The following CFHR4 variants were observed in gnomAD, a reference collection of about 807,000 sequenced individuals.
The protein encoded by CFHR4 is complement factor H-related protein 4.
Under a neutral mutation model 69.3 loss-of-function variants are expected in CFHR4, and 64 were observed. The ratio of observed to expected loss-of-function variants is 0.92; its 90% CI spans 0.76 to 1.14. The LOEUF (loss-of-function observed/expected upper bound fraction) is 1.14. CFHR4 is among the 50% of genes most tolerant of loss of function. The pLI, the probability that CFHR4 is intolerant of heterozygous loss-of-function variation, is 0.00. For synonymous variants in CFHR4, 244 were observed against 237.0 expected (o/e 1.03, Z -0.27); for missense variants, 636 against 684.9 (o/e 0.93, Z 0.80).
chr1:196,909,147 TTGAC>T (rs1230033498), intron 5 of CFHR4, among the ~76,000 whole-genome samples: 1 of 151,490 alleles, frequency 6.6e-6, no homozygotes, highest in East Asian at 1.9e-4. Flanking sequence ...TTAAATTTGA[TTGAC>T]TGAGGAGATG....
chr1:196,896,898 TTTA>T lies in CFHR4; in HGVS notation c.59-5506_59-5504del, dbSNP rs571196801. Among the ~76,000 whole-genome samples, 19 of 151,432 alleles carry T rather than the reference TTTA, an allele frequency of 1.3e-4. No individual in the cohort carries two copies. The East Asian group carries it at 3.5e-3, about 28-fold the overall frequency. The stretch of plus-strand genomic sequence containing the variant: ...TAACAAGCTAATGAATTTAATCTTT[TTTA>T]TTATTATTATTATACTTTAAGTTCT... On this transcript the variant is annotated intron_variant, in intron 1 of 9. Transcript: ENST00000608469.
rs773859837 is a variant in CFHR4, at chr1:196,904,666, C to A, written c.257-442C>A. ...CTTAAGATGACAACTATTTTAAATT[C>A]CTGGAGACAAAAGATTTACAAATTT... On this transcript the variant is annotated intron_variant, in intron 2 of 9. Transcript: ENST00000608469. Among the ~76,000 whole-genome samples, 109 of 151,544 alleles carry A rather than the reference C, an allele frequency of 7.2e-4. 1 individual carries two copies. The highest frequency in any genetic ancestry group is 1.3e-3 in the Non-Finnish European group (90 of 67,922).
intron 9 of CFHR4, among the ~76,000 whole-genome samples, chr1:196,916,728 G>A (rs577688681): frequency 1.3e-5 from 2 of 151,574 alleles, no homozygotes; most frequent in South Asian, 4.2e-4. Context: ...TGGGGAGATG[G>A]ACACTCCTAA....
intron 9 of CFHR4, among the ~76,000 whole-genome samples, chr1:196,917,282 T>C (rs1469820991): frequency 1.3e-5 from 2 of 151,914 alleles, no homozygotes; most frequent in African/African-American, 4.8e-5. Flanking sequence ...AAGCTTGCTA[T>C]GTAAGAACTG....
chr1:196,913,028 G>A (rs1229693629), intron 7 of CFHR4, 106 bp downstream of exon 7: 1 of 1,569,878 alleles, frequency 6.4e-7, no homozygotes, highest in Non-Finnish European at 8.7e-7. Context: ...GGAGTAAAGA[G>A]ATACAAATAC....
chr1:196,911,034 G>T (rs1369981926), intron 6 of CFHR4, among the ~76,000 whole-genome samples: 2 of 151,312 alleles, frequency 1.3e-5, no homozygotes, highest in Non-Finnish European at 2.9e-5. Flanking sequence ...GCAGACCACA[G>T]TTCCATGTAC....
intron 1 of CFHR4, among the ~76,000 whole-genome samples, chr1:196,899,966 C>A (rs1324585887): frequency 6.6e-6 from 1 of 151,508 alleles, no homozygotes; most frequent in Non-Finnish European, 1.5e-5. Context: ...TATAAATTCA[C>A]AAATGAAATG....
Position 196,907,495 on chromosome 1 carries a change from A to C in CFHR4, c.796A>C (p.Ile266Leu). Residue 266 changes from isoleucine (I) to leucine (L), a missense_variant, in exon 5 of 10, where the codon ATA (isoleucine) becomes CTA (leucine). This residue lies in a region of CFHR4 where 529 missense variants were observed against 533.2 expected (regional missense o/e 0.99). Coordinates refer to ENST00000608469, the MANE Select transcript of CFHR4 (RefSeq NM_001201550.3). ...NGDWSEPPRCISMKPCEFPEI... is the reference protein window; with the variant it reads ...NGDWSEPPRCLSMKPCEFPEI... ...AGACTGGTCAGAACCACCAAGATGC[A>C]TATGTAAGTTCTTAATATTCTGGAT... The C allele has an allele frequency of 6.2e-7, 1 of 1,606,656 alleles. No homozygotes were observed. The highest frequency in any genetic ancestry group is 2.2e-5 in the East Asian group (1 of 44,768).
intron 5 of CFHR4, among the ~76,000 whole-genome samples, chr1:196,909,246 A>G (rs1658104745): frequency 6.6e-6 from 1 of 151,530 alleles, no homozygotes; most frequent in Admixed American, 6.6e-5. Flanking sequence ...ATCTGAGGAC[A>G]TAAGATCAGT....
intron 5 of CFHR4, among the ~76,000 whole-genome samples, chr1:196,909,846 TA>T (rs1309592898): frequency 2.7e-5 from 4 of 150,034 alleles, no homozygotes; most frequent in African/African-American, 9.9e-5. Context: ...TTATAAAATT[TA>T]AAAAAAAATC....
At chr1:196,890,468 T>G (rs949654786) in intron 1 of CFHR4, among the ~76,000 whole-genome samples, 2 of 151,658 alleles carry the variant, frequency 1.3e-5, no homozygotes, top group Admixed American at 1.3e-4. Flanking sequence ...TCATTGAATT[T>G]GTATTGAGCA....
At chr1:196,916,732 C>T (rs773424333) in intron 9 of CFHR4, among the ~76,000 whole-genome samples, 1 of 151,500 alleles carries the variant, frequency 6.6e-6, no homozygotes, top group South Asian at 2.1e-4. Context: ...GAGATGGACA[C>T]TCCTAAGATG....
At chr1:196,889,043 G>T (rs116740926) in intron 1 of CFHR4, among the ~76,000 whole-genome samples, 3 of 151,268 alleles carry the variant, frequency 2.0e-5, no homozygotes, top group Non-Finnish European at 4.4e-5. Flanking sequence ...GACAATCAAA[G>T]GTGTGTCACC....
intron 1 of CFHR4, among the ~76,000 whole-genome samples, chr1:196,894,597 GT>G (rs1163492832): frequency 7.9e-5 from 12 of 151,028 alleles, no homozygotes; most frequent in Admixed American, 3.3e-4. Context: ...GTTGAAAGAC[GT>G]TTTTTTTCTT....
At chr1:196,914,338 A>G (rs1390370305) in intron 7 of CFHR4, among the ~76,000 whole-genome samples, 157 bp from the exon 8 acceptor site, 1 of 151,656 alleles carries the variant, frequency 6.6e-6, no homozygotes, top group Non-Finnish European at 1.5e-5. Context: ...ATTAACTATT[A>G]TAGCACAAAA....
At chr1:196,913,438 T>C (rs1409401550) in intron 7 of CFHR4, among the ~76,000 whole-genome samples, 1 of 151,454 alleles carries the variant, frequency 6.6e-6, no homozygotes, top group Non-Finnish European at 1.5e-5. Flanking sequence ...ACCCTATTGT[T>C]TACTACAGAG....
Position 196,906,973 on chromosome 1 carries a change from T to A in CFHR4, c.552T>A (p.Tyr184Ter). 1 of 1,612,704 alleles carries A rather than the reference T, an allele frequency of 6.2e-7. No individual in the cohort carries two copies. Among genetic ancestry groups the A allele is most frequent in the South Asian group, 1.1e-5 (1 of 91,006 alleles). ...GCTATGATGGATATGAAAGCAGTTATGGAAACACCACAGATTCCATAGTGT... is the reference window on the plus strand; with the variant it reads ...GCTATGATGGATATGAAAGCAGTTAAGGAAACACCACAGATTCCATAGTGT... ...YECYDGYESS[Y>*]GNTTDSIVCG... Residue 184 changes from tyrosine to a stop codon, truncating the protein, a stop_gained, in exon 4 of 10, where the codon TAT (tyrosine) becomes TAA (stop). Coordinates refer to ENST00000608469, the MANE Select transcript of CFHR4 (RefSeq NM_001201550.3). LOFTEE classifies it high-confidence loss of function.
chr1:196,907,560 T>C lies in CFHR4; in HGVS notation c.799+62T>C, dbSNP rs1657984470. The stretch of plus-strand genomic sequence containing the variant: ...GTAATAACTTTGATCCTTGTTTATT[T>C]ATACTAAAATTTTTATGGGTTATTA... On this transcript the variant is annotated intron_variant, in intron 5 of 9. Transcript: ENST00000608469. The C allele has an allele frequency of 2.8e-6, 4 of 1,409,606 alleles. No homozygotes were observed. In the East Asian group the frequency reaches 9.4e-5, roughly 33 times the overall value. The allele number at this position is 1,409,606 out of a possible 1,614,324, so 87.3% of individuals were successfully genotyped here.
rs754976122 is a variant in CFHR4 at position 196,907,304 on chromosome 1, A to AT, written c.617-4dup. 8.2e-5 allele frequency: 131 copies of AT among 1,595,400 alleles called. 1 individual carries two copies. Among genetic ancestry groups the AT allele is most frequent in the South Asian group, 4.4e-4 (40 of 90,576 alleles). On this transcript the variant is annotated splice_polypyrimidine_tract_variant and intron_variant, in intron 4 of 9. Coordinates refer to ENST00000608469, the MANE Select transcript of CFHR4 (RefSeq NM_001201550.3). ...TGTTGATTTTTCCCCAATGTAAAGT[A>AT]TTTTTTTTCAGATTCTTCAGAAAAC...
Sources: allele counts gnomAD v4.1 joint callset (sites outside exome capture counted in the v4.1 genomes callset), GRCh38; gene constraint gnomAD v4.1.1; regional missense constraint gnomAD v4.1.1; transcripts MANE v1.5; gene names NCBI Gene and HGNC (gene_info 2026-07-23, HGNC 2026-07-21).